The following ATF5 variants were observed in gnomAD, a reference collection of about 807,000 sequenced individuals.
The protein encoded by ATF5 is cyclic AMP-dependent transcription factor ATF-5.
ATF5 carries 6 observed loss-of-function variants against 4.6 expected under a neutral mutation model. The observed-to-expected ratio is 1.31, with a 90% CI of 0.72 to 2.59. The LOEUF (loss-of-function observed/expected upper bound fraction) is 2.59, where lower values mean the gene tolerates loss of function less well. Ranked by LOEUF, ATF5 falls within the 30% of genes most tolerant of loss-of-function variation. The pLI is 0.00. For missense variants in ATF5, 410 were observed against 368.7 expected (o/e 1.11, Z -0.92); for synonymous variants, 193 against 165.0 (o/e 1.17, Z -1.30).
At position 49,932,496 on chromosome 19, in the gene ATF5, C is replaced by T. The variant is rs144477617; in HGVS notation, c.253C>T (p.Pro85Ser). Residue 85 changes from proline to serine, a missense_variant, in exon 3 of 3, where the codon CCC (proline) becomes TCC (serine). Transcript: ENST00000423777. Reference protein sequence around the residue: ...ALLPLEPPLPPGTLPQPSPTP... With the variant: ...ALLPLEPPLPSGTLPQPSPTP... The stretch of plus-strand genomic sequence containing the variant: ...CCTCCCTCTGGAGCCTCCCTTACCC[C>T]CCGGCACCCTCCCCCAACCTTCCCC... 1.7e-5 allele frequency: 27 copies of T among 1,608,674 alleles called. No individual in the cohort carries two copies. In the East Asian group the frequency reaches 4.5e-4, roughly 27 times the overall value.
Position 49,930,844 on chromosome 19 carries a change from T to C in ATF5, c.-7T>C. On this transcript the variant is annotated 5_prime_UTR_variant, in exon 2 of 3. Coordinates refer to ENST00000423777, the MANE Select transcript of ATF5 (RefSeq NM_001193646.2). ...TGCCATCAGTGCCCAGCACCTGTGC[T>C]ACAGCCATGTCACTCCTGGCGACCC... is the stretch of plus-strand genomic sequence containing the variant. 1 of 1,579,906 alleles carries C rather than the reference T, an allele frequency of 6.3e-7. No individual in the cohort carries two copies. The highest frequency in any genetic ancestry group is 8.6e-7 in the Non-Finnish European group (1 of 1,160,252).
At chr19:49,930,547 G>A (rs914253984) in intron 1 of ATF5, 185 bp from the exon 2 acceptor site, 1 of 314,550 alleles carries the variant, frequency 3.2e-6, no homozygotes, top group East Asian at 5.0e-5. Flanking sequence ...GGGGCTCAGA[G>A]ATTTGGGTAA....
Position 49,931,611 on chromosome 19 carries a change from C to T in ATF5, c.178+583C>T, listed in dbSNP as rs566537281. ...GCAGTGAGCCAAGATGATGCCACTGCACTGCAGCCTGGGCAACAGAGTGAA... is the reference window on the plus strand; with the variant it reads ...GCAGTGAGCCAAGATGATGCCACTGTACTGCAGCCTGGGCAACAGAGTGAA... On this transcript the variant is annotated intron_variant, in intron 2 of 2. Coordinates refer to ENST00000423777, the MANE Select transcript of ATF5 (RefSeq NM_001193646.2). Among the ~76,000 whole-genome samples, 3 of 152,116 alleles carry T rather than the reference C, an allele frequency of 2.0e-5. No individual in the cohort carries two copies. In the East Asian group the frequency reaches 5.8e-4, roughly 29 times the overall value.
chr19:49,930,862 G>A lies in ATF5; in HGVS notation c.12G>A (p.Leu4=), dbSNP rs1385368031. The change falls in exon 2 of 3, where the codon CTG becomes CTA. Residue 4 remains leucine (L), a synonymous_variant. Transcript: ENST00000423777. ...CCTGTGCTACAGCCATGTCACTCCT[G>A]GCGACCCTGGGGCTGGAGCTGGACA... MSL[L]ATLGLELDRA... is the part of the protein sequence containing the mutation. The A allele has an allele frequency of 6.3e-7, 1 of 1,591,894 alleles. No homozygotes were observed. The highest frequency in any genetic ancestry group is 8.6e-7 in the Non-Finnish European group (1 of 1,167,408).
chr19:49,930,770 T>G lies in ATF5; in HGVS notation c.-81T>G. 1 of 1,296,506 alleles carries G rather than the reference T, an allele frequency of 7.7e-7. No homozygotes were observed. Among genetic ancestry groups the G allele is most frequent in the South Asian group, 1.6e-5 (1 of 61,374 alleles). 80.3% of individuals were successfully genotyped at this position (1,296,506 alleles called of 1,614,324 possible). On this transcript the variant is annotated 5_prime_UTR_variant, in exon 2 of 3. Transcript: ENST00000423777. ...GCCTTGGTGCCTGTCTTCGCCCACCTGAGCATCCTCCAGAGCCTCGTGCCA... is the reference window on the plus strand; with the variant it reads ...GCCTTGGTGCCTGTCTTCGCCCACCGGAGCATCCTCCAGAGCCTCGTGCCA...
Position 49,932,872 on chromosome 19 carries a change from G to T in ATF5, c.629G>T (p.Arg210Leu), listed in dbSNP as rs746895698. Residue 210 changes from arginine (R) to leucine (L), a missense_variant, in exon 3 of 3, where the codon CGC (arginine) becomes CTC (leucine). By Grantham distance (102) the Arg-to-Leu change is moderately radical. Coordinates refer to ENST00000423777, the MANE Select transcript of ATF5 (RefSeq NM_001193646.2). ...YPHPATTRGD[R>L]KQKKRDQNKS... ...CATCCTGCCACCACCCGAGGGGACC[G>T]CAAGCAAAAGAAGAGAGACCAGAAC... is the stretch of plus-strand genomic sequence containing the variant. The T allele has an allele frequency of 1.2e-6, 2 of 1,612,990 alleles. No individual in the cohort carries two copies. Among genetic ancestry groups the T allele is most frequent in the East Asian group, 2.2e-5 (1 of 44,820 alleles).
At chr19:49,930,653 G>A (rs1315617205) in intron 1 of ATF5, 79 bp from the exon 2 acceptor site, 2 of 425,332 alleles carry the variant, frequency 4.7e-6, no homozygotes, top group African/African-American at 2.0e-5. Flanking sequence ...GTGCCTGGGG[G>A]TGTGGCTTGG....
chr19:49,933,016 A>G lies in ATF5; in HGVS notation c.773A>G (p.Glu258Gly). 1 of 1,613,842 alleles carries G rather than the reference A, an allele frequency of 6.2e-7. No individual in the cohort carries two copies. Among genetic ancestry groups the G allele is most frequent in the Non-Finnish European group, 8.5e-7 (1 of 1,179,840 alleles). Residue 258 changes from glutamate (E) to glycine (G), a missense_variant, in exon 3 of 3, where the codon GAG becomes GGG. By Grantham distance (98) the Glu-to-Gly change is moderately conservative. Transcript: ENST00000423777. ...RELKERAESV[E>G]REIQYVKDLL... Reference sequence around the variant, plus strand: ...CTGAAGGAACGGGCAGAGTCCGTGGAGCGCGAGATCCAGTACGTCAAGGAC... The same window carrying G: ...CTGAAGGAACGGGCAGAGTCCGTGGGGCGCGAGATCCAGTACGTCAAGGAC...
In ATF5 at chr19:49,932,660, CTCCCT is replaced by C; in HGVS notation, c.418_422del (p.Ser140ProfsTer8). 6.6e-7 allele frequency: 1 copy of C among 1,512,544 alleles called. No homozygotes were observed. Among genetic ancestry groups the C allele is most frequent in the South Asian group, 1.2e-5 (1 of 82,010 alleles). The allele number at this position is 1,512,544 out of a possible 1,614,324, so 93.7% of individuals were successfully genotyped here. A position where few individuals can be genotyped will look rare whatever the true frequency, so the allele number is the denominator to read the frequency against. On this transcript the variant is annotated frameshift_variant, in exon 3 of 3. Coordinates refer to ENST00000423777, the MANE Select transcript of ATF5 (RefSeq NM_001193646.2). LOFTEE classifies it low-confidence loss of function (END_TRUNC). ...CACCACCACCACTACCACCAGCCCC[CTCCCT>C]CCCCCTGTCCCTCCCCTCCTTTGAC...
chr19:49,933,259 A>G lies in ATF5; in HGVS notation c.*167A>G. On this transcript the variant is annotated 3_prime_UTR_variant, in exon 3 of 3. Coordinates refer to ENST00000423777, the MANE Select transcript of ATF5 (RefSeq NM_001193646.2). ...GAGGATCGTTTGAGGCCAGGAGGTC[A>G]ATACCAGCCTGGGCAACATAGTAAG... 1 of 670,114 alleles carries G rather than the reference A, an allele frequency of 1.5e-6. No individual in the cohort carries two copies. 41.5% of individuals were successfully genotyped at this position (670,114 alleles called of 1,614,324 possible). A position where few individuals can be genotyped will look rare whatever the true frequency, so the allele number is the denominator to read the frequency against.
Position 49,933,147 on chromosome 19 carries a change from C to G in ATF5, c.*55C>G. The G allele has an allele frequency of 6.7e-7, 1 of 1,486,446 alleles. No homozygotes were observed. Among genetic ancestry groups the G allele is most frequent in the Non-Finnish European group, 9.0e-7 (1 of 1,111,730 alleles). 92.1% of individuals were successfully genotyped at this position (1,486,446 alleles called of 1,614,324 possible). ...GTCTTCAGCTCTGGCGCCTTCATCC[C>G]CCTGCCTCTACCTTCATTCCAAACC... is the stretch of plus-strand genomic sequence containing the variant. On this transcript the variant is annotated 3_prime_UTR_variant, in exon 3 of 3. Transcript: ENST00000423777.
rs538074493 is a variant in ATF5 at position 49,931,815 on chromosome 19, A to G, written c.179-607A>G. ...TGGGTTTTCAATAATTAATGAGTAA[A>G]GATGAAACAAGGCATATGTGCGTGT... On this transcript the variant is annotated intron_variant, in intron 2 of 2. Coordinates refer to ENST00000423777, the MANE Select transcript of ATF5 (RefSeq NM_001193646.2). Among the ~76,000 whole-genome samples, 6 of 151,596 alleles carry G rather than the reference A, an allele frequency of 4.0e-5. No individual in the cohort carries two copies. The East Asian group carries it at 1.2e-3, about 29-fold the overall frequency.
Position 49,933,112 on chromosome 19 carries a change from C to T in ATF5, c.*20C>T, listed in dbSNP as rs1600594122. ...TGCTAGAAGGGCAGGGGTGTGGCTT[C>T]TGGGGGCTGGTCTTCAGCTCTGGCG... On this transcript the variant is annotated 3_prime_UTR_variant, in exon 3 of 3. Coordinates refer to ENST00000423777, the MANE Select transcript of ATF5 (RefSeq NM_001193646.2). 1 of 1,554,552 alleles carries T rather than the reference C, an allele frequency of 6.4e-7. No individual in the cohort carries two copies. Among genetic ancestry groups the T allele is most frequent in the Non-Finnish European group, 8.7e-7 (1 of 1,147,216 alleles).
In ATF5 at chr19:49,930,859, C is replaced by T; in HGVS notation, c.9C>T (p.Leu3=). Residue 3 remains leucine (L), a synonymous_variant, in exon 2 of 3, where the codon CTC becomes CTT. Transcript: ENST00000423777. ...GCACCTGTGCTACAGCCATGTCACT[C>T]CTGGCGACCCTGGGGCTGGAGCTGG... The part of the protein sequence containing the change: MS[L]LATLGLELDR... The T allele has an allele frequency of 6.3e-7, 1 of 1,590,956 alleles. No individual in the cohort carries two copies. Among genetic ancestry groups the T allele is most frequent in the Non-Finnish European group, 8.6e-7 (1 of 1,166,994 alleles).
rs773330574 is a variant in ATF5 at position 49,930,457 on chromosome 19, G to GTTTT, written c.-119-268_-119-265dup. On this transcript the variant is annotated intron_variant, in intron 1 of 2. Coordinates refer to ENST00000423777, the MANE Select transcript of ATF5 (RefSeq NM_001193646.2). Reference sequence around the variant, plus strand: ...GGTAATTCCCCTGGGAGACCTTTAGGTTTTTTTTTTCTGTATTGGGGGAAG... The same window carrying GTTTT: ...GGTAATTCCCCTGGGAGACCTTTAGGTTTTTTTTTTTTTTCTGTATTGGGGGAAG... The GTTTT allele has an allele frequency of 8.8e-3, 920 of 104,232 alleles. 4 individuals carry two copies. Among genetic ancestry groups the GTTTT allele is most frequent in the African/African-American group, 0.013 (315 of 23,618 alleles). The allele number at this position is 104,232 out of a possible 1,614,324, so 6.5% of individuals were successfully genotyped here. A position where few individuals can be genotyped will look rare whatever the true frequency, so the allele number is the denominator to read the frequency against.
chr19:49,930,082 T>C lies in ATF5; in HGVS notation c.-119-650T>C, dbSNP rs1247155760. The C allele has an allele frequency of 1.3e-5, 2 of 151,800 alleles. 1 individual carries two copies. Among genetic ancestry groups the C allele is most frequent in the Non-Finnish European group, 2.9e-5 (2 of 67,968 alleles). The allele number at this position is 151,800 out of a possible 1,614,324, so 9.4% of individuals were successfully genotyped here. A position where few individuals can be genotyped will look rare whatever the true frequency, so the allele number is the denominator to read the frequency against. ...CGATGGGTGGGATTTCGGAAGCACA[T>C]TGTGAGAAGGGGCGGGGCTAAACCA... On this transcript the variant is annotated intron_variant, in intron 1 of 2. Transcript: ENST00000423777.
chr19:49,932,209 T>G (rs1011339801), intron 2 of ATF5, among the ~76,000 whole-genome samples: 63 of 152,210 alleles, frequency 4.1e-4, no homozygotes, highest in Middle Eastern at 3.4e-3. Context: ...GTTGACTGGG[T>G]GGTTAGATGG....
chr19:49,929,541 A>C (rs945650664), intron 1 of ATF5, 141 bp downstream of exon 1: 4 of 152,066 alleles, frequency 2.6e-5, no homozygotes, highest in Admixed American at 2.6e-4. Flanking sequence ...CGGTGGGCCG[A>C]AGGCGCGCGG....
In ATF5 at chr19:49,932,615, ACCCTCCCCGCCG is replaced by A; in HGVS notation, c.375_386del (p.Ser126_Pro129del). Reference sequence around the variant, plus strand: ...TCCTAGATGCCCCGCCCCTCCCACCACCCTCCCCGCCGCCACTACCACCACCACCACTACCAC... The same window carrying A: ...TCCTAGATGCCCCGCCCCTCCCACCACCACTACCACCACCACCACTACCAC... On this transcript the variant is annotated inframe_deletion, in exon 3 of 3. Coordinates refer to ENST00000423777, the MANE Select transcript of ATF5 (RefSeq NM_001193646.2). 2.0e-6 allele frequency: 2 copies of A among 989,978 alleles called. No individual in the cohort carries two copies. Among genetic ancestry groups the A allele is most frequent in the South Asian group, 3.5e-5 (2 of 57,144 alleles). 61.3% of individuals were successfully genotyped at this position (989,978 alleles called of 1,614,324 possible).
Sources: allele counts gnomAD v4.1 joint callset (sites outside exome capture counted in the v4.1 genomes callset), GRCh38; gene constraint gnomAD v4.1.1; transcripts MANE v1.5; gene names NCBI Gene and HGNC (gene_info 2026-07-23, HGNC 2026-07-21).